The following MLLT3 variants were observed in gnomAD, a reference collection of about 807,000 sequenced individuals.
The protein encoded by MLLT3 is protein AF-9.
A neutral mutation model predicts 53.2 loss-of-function variants in MLLT3; 4 were observed. The observed-to-expected ratio is 0.08, with a 90% confidence interval of 0.04 to 0.17. The LOEUF (loss-of-function observed/expected upper bound fraction) is 0.17. Among genes scored for constraint, MLLT3 ranks in the 10% least tolerant of loss-of-function variants. The pLI, the probability that MLLT3 is intolerant of heterozygous loss-of-function variation, is 1.00. For synonymous variants in MLLT3, 283 were observed against 230.6 expected (o/e 1.23, Z -2.06); for missense variants, 569 against 684.0 (o/e 0.83, Z 1.87).
intron 5 of MLLT3, among the ~76,000 whole-genome samples, chr9:20,401,268 A>G (rs1197742671): frequency 6.6e-6 from 1 of 152,130 alleles, no homozygotes; most frequent in East Asian, 1.9e-4. Flanking sequence ...GACAGTAAGT[A>G]TTTTTTGAAA....
chr9:20,354,446 C>T (rs77420128), intron 9 of MLLT3, among the ~76,000 whole-genome samples: 15 of 152,344 alleles, frequency 9.8e-5, no homozygotes, highest in East Asian at 1.9e-4. Flanking sequence ...AGAAGCATGA[C>T]GCACACTCTG....
rs181733715 is a variant in MLLT3, at chr9:20,490,048, T to C, written c.194-33262A>G. 2.3e-4 allele frequency among the ~76,000 whole-genome samples: 35 copies of C among 152,296 alleles called. No individual in the cohort carries two copies. In the East Asian group the frequency reaches 6.0e-3, roughly 26 times the overall value. On this transcript the variant is annotated intron_variant, in intron 2 of 10. Transcript: ENST00000380338. ...ACATGGTACCCACCTTCAAGGAATTTACTCTGTGCTCCTCTGATAAAGATG... is the reference window on the plus strand; with the variant it reads ...ACATGGTACCCACCTTCAAGGAATTCACTCTGTGCTCCTCTGATAAAGATG...
At chr9:20,445,472 T>C (rs1379846139) in intron 4 of MLLT3, among the ~76,000 whole-genome samples, 12 of 152,208 alleles carry the variant, frequency 7.9e-5, no homozygotes, top group South Asian at 6.2e-4. Flanking sequence ...TATAGGCTTA[T>C]AGATTATGAA....
At chr9:20,516,003 A>G (rs1435649859) in intron 2 of MLLT3, among the ~76,000 whole-genome samples, 2 of 152,218 alleles carry the variant, frequency 1.3e-5, no homozygotes, top group South Asian at 2.1e-4. Context: ...GTGCCATGGG[A>G]GCATAACACC....
intron 2 of MLLT3, among the ~76,000 whole-genome samples, chr9:20,463,662 G>C (rs139679744): frequency 1.4e-3 from 219 of 152,244 alleles, no homozygotes; most frequent in African/African-American, 3.9e-3. Flanking sequence ...GGACACAGAT[G>C]TCCAGGCTAA....
intron 3 of MLLT3, among the ~76,000 whole-genome samples, chr9:20,449,962 C>T (rs1823799072): frequency 6.6e-6 from 1 of 152,198 alleles, no homozygotes. Flanking sequence ...CAGTGACTCC[C>T]CCAAGTGTAT....
chr9:20,432,413 A>T (rs183279422), intron 4 of MLLT3, among the ~76,000 whole-genome samples: 44 of 152,334 alleles, frequency 2.9e-4, no homozygotes, highest in Non-Finnish European at 5.1e-4. Context: ...ACTTATTACC[A>T]AAAGTATAAT....
intron 2 of MLLT3, among the ~76,000 whole-genome samples, chr9:20,476,852 A>T (rs915693667): frequency 1.3e-5 from 2 of 152,180 alleles, no homozygotes; most frequent in Non-Finnish European, 2.9e-5. Flanking sequence ...TCAACTAGCT[A>T]AAATGTCCTG....
At position 20,344,413 on chromosome 9, in the gene MLLT3, A is replaced by G. The variant is rs1267224723; in HGVS notation, c.*2030T>C. 1 of 213,634 alleles carries G rather than the reference A, an allele frequency of 4.7e-6. No individual in the cohort carries two copies. Among genetic ancestry groups the G allele is most frequent in the Non-Finnish European group, 9.5e-6 (1 of 105,548 alleles). 13.2% of individuals were successfully genotyped at this position (213,634 alleles called of 1,614,324 possible). A position where few individuals can be genotyped will look rare whatever the true frequency, so the allele number is the denominator to read the frequency against. On this transcript the variant is annotated 3_prime_UTR_variant, in exon 11 of 11. Coordinates refer to ENST00000380338, the MANE Select transcript of MLLT3 (RefSeq NM_004529.4). ...TATTTTAAAAATTTGCAACATTTCC[A>G]TATAAACATTACCCTCCCCTTCCAG... is the stretch of plus-strand genomic sequence containing the variant.
chr9:20,617,132 T>C (rs1480033045), intron 2 of MLLT3, among the ~76,000 whole-genome samples: 1 of 152,202 alleles, frequency 6.6e-6, no homozygotes, highest in African/African-American at 2.4e-5. Context: ...TCGCTGAATC[T>C]ATCAGAACAG....
At chr9:20,548,878 T>C (rs1818855750) in intron 2 of MLLT3, among the ~76,000 whole-genome samples, 1 of 151,876 alleles carries the variant, frequency 6.6e-6, no homozygotes, top group Non-Finnish European at 1.5e-5. Context: ...TAGAGTGCAG[T>C]GGCACCATCA....
intron 2 of MLLT3, among the ~76,000 whole-genome samples, chr9:20,551,921 T>A (rs2119028613): frequency 6.6e-6 from 1 of 152,174 alleles, no homozygotes; most frequent in South Asian, 2.1e-4. Context: ...TCAACCCCCA[T>A]CCCCCTACGT....
chr9:20,613,264 C>G (rs1365399681), intron 2 of MLLT3, among the ~76,000 whole-genome samples: 1 of 152,072 alleles, frequency 6.6e-6, no homozygotes, highest in East Asian at 1.9e-4. Context: ...GACTTGCACA[C>G]TTTAAAAGGG....
At chr9:20,372,441 A>C (rs1425433047) in intron 5 of MLLT3, among the ~76,000 whole-genome samples, 1 of 152,086 alleles carries the variant, frequency 6.6e-6, no homozygotes, top group Non-Finnish European at 1.5e-5. Flanking sequence ...TCTGTCACAA[A>C]GGCTGGAGTG....
In MLLT3 at chr9:20,343,360, G is replaced by A. The variant is rs1490747561; in HGVS notation, c.*3083C>T. ...TTAAGAGATATTTTTTTCCTGATCT[G>A]AAGTTTTTATAGTCTTCCCTACCTT... On this transcript the variant is annotated 3_prime_UTR_variant, in exon 11 of 11. Transcript: ENST00000380338. 1 of 211,454 alleles carries A rather than the reference G, an allele frequency of 4.7e-6. No individual in the cohort carries two copies. The highest frequency in any genetic ancestry group is 2.3e-5 in the African/African-American group (1 of 43,958). 13.1% of individuals were successfully genotyped at this position (211,454 alleles called of 1,614,324 possible).
chr9:20,437,217 C>A (rs184531964), intron 4 of MLLT3, among the ~76,000 whole-genome samples: 276 of 152,224 alleles, frequency 1.8e-3, no homozygotes, highest in African/African-American at 6.4e-3. Context: ...TAAGGCTGAT[C>A]AATCCAAAGT....
At position 20,342,578 on chromosome 9, in the gene MLLT3, C is replaced by A; in HGVS notation, c.*3865G>T. The A allele has an allele frequency of 4.6e-6, 1 of 218,814 alleles. No individual in the cohort carries two copies. The highest frequency in any genetic ancestry group is 9.2e-6 in the Non-Finnish European group (1 of 109,048). 13.6% of individuals were successfully genotyped at this position (218,814 alleles called of 1,614,324 possible). The stretch of plus-strand genomic sequence containing the variant: ...ATACACATTTACAGTTTACAGACAG[C>A]GGTGGCTTTGTCTTCCTTTTAAATT... On this transcript the variant is annotated 3_prime_UTR_variant, in exon 11 of 11. Transcript: ENST00000380338.
chr9:20,559,816 T>C (rs143997293), intron 2 of MLLT3, among the ~76,000 whole-genome samples: 68 of 152,302 alleles, frequency 4.5e-4, no homozygotes, highest in Middle Eastern at 3.4e-3. Flanking sequence ...ATGCACAACA[T>C]AGTTTTGGTA....
rs1369991131 is a variant in MLLT3, at chr9:20,342,275, G to A, written c.*4168C>T. On this transcript the variant is annotated 3_prime_UTR_variant, in exon 11 of 11. Transcript: ENST00000380338. ...CAATCTGTACTTACATTTCAACATG[G>A]ATTTTAGAGAAGGGAAATACATCTT... The A allele has an allele frequency of 9.0e-6, 2 of 223,102 alleles. No individual in the cohort carries two copies. Among genetic ancestry groups the A allele is most frequent in the East Asian group, 6.5e-5 (1 of 15,270 alleles). 13.8% of individuals were successfully genotyped at this position (223,102 alleles called of 1,614,324 possible).
Sources: allele counts gnomAD v4.1 joint callset (sites outside exome capture counted in the v4.1 genomes callset), GRCh38; gene constraint gnomAD v4.1.1; transcripts MANE v1.5; gene names NCBI Gene and HGNC (gene_info 2026-07-23, HGNC 2026-07-21).